The following RPTOR variants were observed in gnomAD, a reference collection of about 807,000 sequenced individuals.
The protein encoded by RPTOR is regulatory associated protein of MTOR complex 1, also known as regulatory-associated protein of mTOR.
RPTOR carries 21 observed loss-of-function variants against 169.9 expected under a neutral mutation model. The ratio of observed to expected loss-of-function variants is 0.12; its 90% confidence interval spans 0.09 to 0.18. RPTOR has a LOEUF of 0.18. RPTOR is among the 10% of genes least tolerant of loss of function. The pLI, the probability that RPTOR is intolerant of heterozygous loss-of-function variation, is 1.00. For missense variants in RPTOR, 1,133 were observed against 1,855.9 expected, an observed-to-expected ratio of 0.61 and a Z score of 7.16; for synonymous variants, 732 against 753.2, an observed-to-expected ratio of 0.97 and a Z score of 0.46.
chr17:80,884,515 A>G (rs2068220813), intron 16 of RPTOR, among the ~76,000 whole-genome samples: 1 of 152,150 alleles, frequency 6.6e-6, no homozygotes, highest in Non-Finnish European at 1.5e-5. Flanking sequence ...TCTCCCCAGG[A>G]CCACATGGTG....
intron 14 of RPTOR, among the ~76,000 whole-genome samples, chr17:80,881,594 A>G (rs1448067238): frequency 2.0e-5 from 3 of 152,220 alleles, no homozygotes; most frequent in Non-Finnish European, 4.4e-5. Flanking sequence ...CAAGGCTGAC[A>G]GACTGCTTGA....
rs892350480 is a variant in RPTOR at position 80,667,726 on chromosome 17, G to A, written c.348+23916G>A. On this transcript the variant is annotated intron_variant, in intron 3 of 33. Coordinates refer to ENST00000306801, the MANE Select transcript of RPTOR (RefSeq NM_020761.3). ...GTGGTTTCATGGGACAAATATGGAGGCTCCTTCATTTGCTTGATACTAACT... is the reference window on the plus strand; with the variant it reads ...GTGGTTTCATGGGACAAATATGGAGACTCCTTCATTTGCTTGATACTAACT... Among the ~76,000 whole-genome samples, 35 of 152,178 alleles carry A rather than the reference G, an allele frequency of 2.3e-4. 1 individual carries two copies. The highest frequency in any genetic ancestry group is 3.3e-4 in the Admixed American group (5 of 15,282).
chr17:80,860,580 G>A lies in RPTOR; in HGVS notation c.1509+2680G>A, dbSNP rs2067906851. 1.3e-5 allele frequency among the ~76,000 whole-genome samples: 2 copies of A among 152,108 alleles called. No individual in the cohort carries two copies. Among genetic ancestry groups the A allele is most frequent in the South Asian group, 4.1e-4 (2 of 4,828 alleles). On this transcript the variant is annotated intron_variant, in intron 13 of 33. Transcript: ENST00000306801. The surrounding 1 kb of genome is among the most constrained non-coding windows in gnomAD (Gnocchi z 5.8). ...TTGGTGTCACAGCTGAAGTCAGGGG[G>A]CAGTGGGGAGGCTGCTGCCGAAGCG...
intron 24 of RPTOR, among the ~76,000 whole-genome samples, chr17:80,930,253 A>T (rs928648184): frequency 2.5e-5 from 3 of 117,742 alleles, no homozygotes; most frequent in Admixed American, 9.7e-5. Context: ...AGCTCAGCTC[A>T]TCCCCAGCTC....
chr17:80,671,212 G>C (rs1041205299), intron 3 of RPTOR, among the ~76,000 whole-genome samples: 5 of 152,174 alleles, frequency 3.3e-5, no homozygotes, highest in Non-Finnish European at 5.9e-5. Flanking sequence ...TCTGCAGCCT[G>C]TGCTCTTCGT....
chr17:80,756,065 C>G (rs1250608160), intron 6 of RPTOR, among the ~76,000 whole-genome samples: 1 of 152,242 alleles, frequency 6.6e-6, no homozygotes, highest in Admixed American at 6.5e-5. Context: ...AGTTTTAATG[C>G]CTTCCCCCAA....
intron 21 of RPTOR, among the ~76,000 whole-genome samples, chr17:80,909,215 G>A (rs2068582438): frequency 7.4e-6 from 1 of 135,264 alleles, no homozygotes; most frequent in African/African-American, 2.8e-5. Context: ...GAGCTACAGT[G>A]CTGGCCCTTC....
intron 3 of RPTOR, among the ~76,000 whole-genome samples, chr17:80,700,784 ATGGTGGTGGTG>A (rs2066092830): frequency 5.1e-5 from 1 of 19,620 alleles, no homozygotes; most frequent in African/African-American, 3.7e-4. Flanking sequence ...AGAGATGATG[ATGGTGGTGGTG>A]GTGATGATGA....
At chr17:80,797,911 C>A (rs1374658660) in intron 7 of RPTOR, among the ~76,000 whole-genome samples, 1 of 152,182 alleles carries the variant, frequency 6.6e-6, no homozygotes, top group African/African-American at 2.4e-5. Context: ...GGAGACAGAT[C>A]CACTCGGAAA....
At chr17:80,926,103 G>T (rs1237097437) in intron 24 of RPTOR, among the ~76,000 whole-genome samples, 2 of 152,208 alleles carry the variant, frequency 1.3e-5, no homozygotes, top group Non-Finnish European at 2.9e-5. Context: ...GAGCAAACCT[G>T]CCTCTTCCCT....
chr17:80,594,397 G>T (rs986701904), intron 1 of RPTOR, among the ~76,000 whole-genome samples: 5 of 152,182 alleles, frequency 3.3e-5, no homozygotes, highest in Non-Finnish European at 2.9e-5. Context: ...CGGCCGTGCA[G>T]TTCTTTAAAC....
intron 20 of RPTOR, among the ~76,000 whole-genome samples, chr17:80,903,190 T>C (rs1470430960): frequency 6.6e-6 from 1 of 152,230 alleles, no homozygotes; most frequent in African/African-American, 2.4e-5. Flanking sequence ...GCAAGCGCCC[T>C]GCTCACCCAG....
chr17:80,595,355 G>A (rs2065137231), intron 1 of RPTOR, among the ~76,000 whole-genome samples: 1 of 152,214 alleles, frequency 6.6e-6, no homozygotes, highest in Non-Finnish European at 1.5e-5. Flanking sequence ...GAAGCCTGCA[G>A]TAAAACACTG....
chr17:80,809,823 G>C (rs575195573), intron 7 of RPTOR, among the ~76,000 whole-genome samples: 1 of 152,204 alleles, frequency 6.6e-6, no homozygotes, highest in South Asian at 2.1e-4. Flanking sequence ...CAGATCACAA[G>C]GTCAGGAGAT....
chr17:80,827,924 G>A (rs1298737334), intron 9 of RPTOR, among the ~76,000 whole-genome samples: 1 of 152,240 alleles, frequency 6.6e-6, no homozygotes, highest in African/African-American at 2.4e-5. Context: ...AGAAACTGGG[G>A]TGTGTGAGGA....
intron 3 of RPTOR, among the ~76,000 whole-genome samples, chr17:80,705,736 A>G (rs965752988): frequency 2.6e-5 from 4 of 152,076 alleles, no homozygotes; most frequent in South Asian, 2.1e-4. Flanking sequence ...GGATCTGACT[A>G]TGTTGCCCAG....
chr17:80,639,583 G>A lies in RPTOR; in HGVS notation c.266-4145G>A, dbSNP rs370042019. Among the ~76,000 whole-genome samples the A allele has an allele frequency of 7.7e-4, 118 of 152,276 alleles. No individual in the cohort carries two copies. In the East Asian group the frequency reaches 0.017, roughly 22 times the overall value. ...TCCATCTAAATGGAGCACACAGCCCGCACTGTGGGCTTCTGAGGGGAGGGG... is the reference window on the plus strand; with the variant it reads ...TCCATCTAAATGGAGCACACAGCCCACACTGTGGGCTTCTGAGGGGAGGGG... On this transcript the variant is annotated intron_variant, in intron 2 of 33. Transcript: ENST00000306801.
chr17:80,956,156 C>G (rs1388709120), intron 28 of RPTOR, among the ~76,000 whole-genome samples: 1 of 151,706 alleles, frequency 6.6e-6, no homozygotes, highest in Non-Finnish European at 1.5e-5. Flanking sequence ...GCCCAAGGGA[C>G]AGCCCTCCCA....
chr17:80,666,846 T>C (rs9889835), intron 3 of RPTOR, among the ~76,000 whole-genome samples: 9,206 of 151,966 alleles, frequency 0.061, 925 homozygotes, highest in African/African-American at 0.21. Flanking sequence ...CTGTGAAGGG[T>C]GATGGCGAGT....
Sources: gnomAD v4.1 joint callset for allele counts (sites outside exome capture counted in the v4.1 genomes callset) on GRCh38, gnomAD v4.1.1 for gene constraint, Gnocchi (gnomAD v3.1) non-coding constraint, MANE v1.5 for transcripts, NCBI Gene and HGNC (gene_info 2026-07-23, HGNC 2026-07-21) for gene names.